The following TANK variants were observed in gnomAD, a reference collection of about 807,000 sequenced individuals.
The protein encoded by TANK is TRAF family member-associated NF-kappa-B activator.
TANK carries 15 observed loss-of-function variants against 43.6 expected under a neutral mutation model. The observed-to-expected ratio is 0.34, with a 90% CI of 0.23 to 0.53. The LOEUF (loss-of-function observed/expected upper bound fraction) is 0.53. Ranked by LOEUF, TANK falls within the 20% of genes least tolerant of loss-of-function variation. TANK has a pLI of 0.94. For synonymous variants in TANK, 162 were observed against 178.2 expected (o/e 0.91, Z 0.73); for missense variants, 417 against 498.6 (o/e 0.84, Z 1.56).
intron 4 of TANK, among the ~76,000 whole-genome samples, chr2:161,208,831 C>G (rs561566532): frequency 6.6e-6 from 1 of 152,354 alleles, no homozygotes; most frequent in Non-Finnish European, 1.5e-5. Flanking sequence ...CTCAAAGTCA[C>G]ATTCCTTCAC....
At chr2:161,207,869 G>A (rs1221732932) in intron 4 of TANK, 1 of 985,110 alleles carries the variant, frequency 1.0e-6, no homozygotes, top group African/African-American at 1.7e-5. Context: ...TAGAGAAATG[G>A]TTAAGGTGAT....
intron 3 of TANK, among the ~76,000 whole-genome samples, chr2:161,203,894 C>T (rs1686530100): frequency 6.6e-6 from 1 of 152,102 alleles, no homozygotes; most frequent in African/African-American, 2.4e-5. Flanking sequence ...ACCAAAAACT[C>T]AAGTCCTAAG....
rs575444982 is a variant in TANK at position 161,217,820 on chromosome 2, A to G, written c.328-6095A>G. On this transcript the variant is annotated intron_variant, in intron 4 of 7. Transcript: ENST00000392749. ...ATGACCCAGTTATAAGAGAACAGAC[A>G]TCAACCCTAAGATGATTCAGACACT... is the stretch of plus-strand genomic sequence containing the variant. 3.9e-5 allele frequency among the ~76,000 whole-genome samples: 6 copies of G among 152,252 alleles called. No homozygotes were observed. In the East Asian group the frequency reaches 1.2e-3, roughly 29 times the overall value.
chr2:161,234,798 G>A (rs1232795166), intron 7 of TANK, among the ~76,000 whole-genome samples: 1 of 152,182 alleles, frequency 6.6e-6, no homozygotes, highest in African/African-American at 2.4e-5. Flanking sequence ...AATTTGTTCA[G>A]TAGTTTAAAA....
upstream of TANK, among the ~76,000 whole-genome samples, chr2:161,158,318 T>C (rs1488800509): frequency 2.6e-5 from 4 of 152,226 alleles, no homozygotes; most frequent in Admixed American, 2.0e-4. Flanking sequence ...CTCAAATAAA[T>C]GTCAACTCAA....
intron 4 of TANK, among the ~76,000 whole-genome samples, chr2:161,216,782 A>T (rs1264166547): frequency 6.6e-6 from 1 of 152,158 alleles, no homozygotes; most frequent in East Asian, 1.9e-4. Context: ...TTTCTACAAG[A>T]TGTTAATGGA....
chr2:161,211,132 C>T (rs770938666), intron 4 of TANK, among the ~76,000 whole-genome samples: 12 of 152,164 alleles, frequency 7.9e-5, no homozygotes, highest in Non-Finnish European at 1.5e-4. Flanking sequence ...CTTCAGTGAG[C>T]GGCATTTACG....
chr2:161,162,151 A>G (rs1684471678), intron 1 of TANK, among the ~76,000 whole-genome samples: 1 of 152,140 alleles, frequency 6.6e-6, no homozygotes, highest in Non-Finnish European at 1.5e-5. Context: ...TCAAGTGTAC[A>G]TGCATCTTTT....
intron 1 of TANK, among the ~76,000 whole-genome samples, chr2:161,178,120 A>G (rs577942906): frequency 6.6e-6 from 1 of 152,224 alleles, no homozygotes; most frequent in African/African-American, 2.4e-5. Flanking sequence ...CAAAAAGTTA[A>G]AGATAGAATT....
At chr2:161,216,593 A>G (rs954959850) in intron 4 of TANK, among the ~76,000 whole-genome samples, 7 of 149,938 alleles carry the variant, frequency 4.7e-5, no homozygotes, top group African/African-American at 1.7e-4. Flanking sequence ...TCTTGGCCAA[A>G]AAAAAAAAAA....
At chr2:161,137,910 G>A (rs1176649330) in intron 1 of TANK, 1 of 189,716 alleles carries the variant, frequency 5.3e-6, no homozygotes, top group Admixed American at 6.5e-5. Flanking sequence ...GGAGGCAGAG[G>A]TTGCAATGAG....
intron 1 of TANK, among the ~76,000 whole-genome samples, chr2:161,172,536 A>G (rs1490736488): frequency 6.6e-6 from 1 of 151,906 alleles, no homozygotes; most frequent in African/African-American, 2.4e-5. Context: ...CCTCTTTATT[A>G]TGATGTCTTT....
chr2:161,226,964 A>T (rs1279334287), intron 6 of TANK: 1 of 19,678 alleles, frequency 5.1e-5, no homozygotes, highest in Non-Finnish European at 2.6e-4. Context: ...AAAACTGGGA[A>T]ATCTAAAAAT....
chr2:161,225,350 T>C (rs1029499285), intron 6 of TANK, among the ~76,000 whole-genome samples: 1 of 152,176 alleles, frequency 6.6e-6, no homozygotes, highest in East Asian at 1.9e-4. Flanking sequence ...TTCTTTGAAC[T>C]CATTTGGTTC....
At chr2:161,212,981 A>G (rs1466226467) in intron 4 of TANK, among the ~76,000 whole-genome samples, 1 of 152,266 alleles carries the variant, frequency 6.6e-6, no homozygotes, top group African/African-American at 2.4e-5. Flanking sequence ...TCATGGCCGA[A>G]GGCAAAGAGG....
At chr2:161,192,342 T>G (rs1338727751) in intron 2 of TANK, among the ~76,000 whole-genome samples, 1 of 152,206 alleles carries the variant, frequency 6.6e-6, no homozygotes, top group Admixed American at 6.5e-5. Flanking sequence ...TAATACTACC[T>G]TTTATTTTCC....
At chr2:161,154,103 T>C (rs1192513540) in intron 1 of TANK, among the ~76,000 whole-genome samples, 1 of 152,130 alleles carries the variant, frequency 6.6e-6, no homozygotes, top group Non-Finnish European at 1.5e-5. Flanking sequence ...TCAAGCATAA[T>C]GCATGTCATA....
intron 1 of TANK, among the ~76,000 whole-genome samples, chr2:161,139,288 A>G (rs1486483337): frequency 6.6e-6 from 1 of 152,218 alleles, no homozygotes; most frequent in Non-Finnish European, 1.5e-5. Context: ...AACATTAAGA[A>G]TGAGGTTGGC....
intron 6 of TANK, 118 bp downstream of exon 6, chr2:161,224,864 C>A: frequency 1.7e-6 from 1 of 573,984 alleles, no homozygotes; most frequent in Non-Finnish European, 3.0e-6. Context: ...ATTTACCCCT[C>A]ATCCACGTAT....
Sources: gnomAD v4.1 joint callset for allele counts (sites outside exome capture counted in the v4.1 genomes callset) on GRCh38, gnomAD v4.1.1 for gene constraint, MANE v1.5 for transcripts, NCBI Gene and HGNC (gene_info 2026-07-23, HGNC 2026-07-21) for gene names.